PCDHA6: variants seen among roughly 807,000 people sequenced by gnomAD.
PCDHA6 encodes the protein protocadherin alpha-6.
Under a neutral mutation model 60.3 loss-of-function variants are expected in PCDHA6, and 55 were observed. That is an observed-to-expected ratio of 0.91 (90% CI 0.73 to 1.14). PCDHA6 has a LOEUF of 1.14. Among genes scored for constraint, PCDHA6 ranks in the 50% most tolerant of loss-of-function variants. PCDHA6 has a pLI of 0.00. For missense variants in PCDHA6, 1,327 were observed against 1,256.5 expected (o/e 1.06, Z -0.85); for synonymous variants, 652 against 557.9 (o/e 1.17, Z -2.38).
chr5:140,987,999 C>T (rs543796200), intron 3 of PCDHA6, among the ~76,000 whole-genome samples: 3 of 152,292 alleles, frequency 2.0e-5, no homozygotes, highest in African/African-American at 7.2e-5. Context: ...TCTGATCCTT[C>T]CCCAGAAAGA....
chr5:140,829,749 T>C lies in PCDHA6; in HGVS notation c.1658T>C (p.Val553Ala). The C allele has an allele frequency of 6.2e-7, 1 of 1,613,676 alleles. No homozygotes were observed. Among genetic ancestry groups the C allele is most frequent in the Non-Finnish European group, 8.5e-7 (1 of 1,179,872 alleles). ...CTGGGCAGCAACGTGACGCTGCAGG[T>C]GTTCGTGCTGGACGAGAACGACAAC... ...PPLGSNVTLQ[V>A]FVLDENDNAP... Residue 553 changes from valine (V) to alanine (A), a missense_variant, in exon 1 of 4, where the codon GTG becomes GCG. Physicochemically the swap from Val to Ala is moderately conservative, Grantham distance 64. Coordinates refer to ENST00000529310, the MANE Select transcript of PCDHA6 (RefSeq NM_018909.4).
At chr5:140,919,406 T>C (rs1325443914) in intron 1 of PCDHA6, among the ~76,000 whole-genome samples, 1 of 152,254 alleles carries the variant, frequency 6.6e-6, no homozygotes, top group East Asian at 1.9e-4. Flanking sequence ...CTAAAAACTC[T>C]AGACTGACAA....
chr5:140,954,842 T>C (rs1483926115), intron 1 of PCDHA6, among the ~76,000 whole-genome samples: 1 of 152,252 alleles, frequency 6.6e-6, no homozygotes, highest in Non-Finnish European at 1.5e-5. Flanking sequence ...ATGAAATCTT[T>C]GCCTGTGCCT....
At chr5:140,918,046 G>A (rs1159911161) in intron 1 of PCDHA6, among the ~76,000 whole-genome samples, 2 of 152,006 alleles carry the variant, frequency 1.3e-5, no homozygotes, top group African/African-American at 4.8e-5. Flanking sequence ...CTTTCCATTT[G>A]TTTTATCATC....
At position 140,856,102 on chromosome 5, in the gene PCDHA6, TCTC is replaced by T. The variant is rs782690525; in HGVS notation, c.2394+25621_2394+25623del. On this transcript the variant is annotated intron_variant, in intron 1 of 3. Coordinates refer to ENST00000529310, the MANE Select transcript of PCDHA6 (RefSeq NM_018909.4). Reference sequence around the variant, plus strand: ...TCCAGTGTCTGCTGCTCTCGCTTCTTCTCCTCGCAGCCTGGGAGGTGGGGAGCG... The same window carrying T: ...TCCAGTGTCTGCTGCTCTCGCTTCTTCTCGCAGCCTGGGAGGTGGGGAGCG... 5.6e-6 allele frequency: 9 copies of T among 1,597,726 alleles called. 1 individual carries two copies. The South Asian group carries it at 7.7e-5, about 14-fold the overall frequency.
chr5:140,851,156 T>C (rs1174677153), intron 1 of PCDHA6: 2 of 1,302,318 alleles, frequency 1.5e-6, no homozygotes, highest in South Asian at 2.6e-5. Context: ...GAATTTCTGA[T>C]GCTATGCTGC....
At chr5:140,868,806 G>C (rs374832846) in intron 1 of PCDHA6, 8 of 356,954 alleles carry the variant, frequency 2.2e-5, no homozygotes, top group Non-Finnish European at 4.0e-5. Flanking sequence ...AAATAAGCAC[G>C]TTGGAAATAT....
rs946669637 is a variant in PCDHA6, at chr5:140,923,020, G to C, written c.2395-55929G>C. On this transcript the variant is annotated intron_variant, in intron 1 of 3. Coordinates refer to ENST00000529310, the MANE Select transcript of PCDHA6 (RefSeq NM_018909.4). ...AGAATGGTTGTTGGACTGCAGTTTCGGACTCTATTACTACATGTATAGTAT... is the reference window on the plus strand; with the variant it reads ...AGAATGGTTGTTGGACTGCAGTTTCCGACTCTATTACTACATGTATAGTAT... Among the ~76,000 whole-genome samples the C allele has an allele frequency of 2.0e-5, 3 of 152,230 alleles. No homozygotes were observed. The East Asian group carries it at 5.8e-4, about 29-fold the overall frequency.
Position 140,849,797 on chromosome 5 carries a change from A to G in PCDHA6, c.2394+19312A>G, listed in dbSNP as rs2150450643. On this transcript the variant is annotated intron_variant, in intron 1 of 3. Coordinates refer to ENST00000529310, the MANE Select transcript of PCDHA6 (RefSeq NM_018909.4). ...CCGCGCGGGACGGGGGCTCGCCTTC[A>G]CTGTGGGCCACGGCCAGGGTGTCTG... 700 of 1,597,928 alleles carry G rather than the reference A, an allele frequency of 4.4e-4. 59 individuals carry two copies. Among genetic ancestry groups the G allele is most frequent in the Non-Finnish European group, 5.7e-4 (663 of 1,167,700 alleles).
At position 140,857,729 on chromosome 5, in the gene PCDHA6, G is replaced by A. The variant is rs782508750; in HGVS notation, c.2394+27244G>A. 1.8e-5 allele frequency: 29 copies of A among 1,597,292 alleles called. 3 individuals are homozygous for A. The highest frequency in any genetic ancestry group is 1.3e-5 in the African/African-American group (1 of 74,288). ...GTTCGTGCTGGACGAGAACGACAACGCTCCCGCGCTGCTGGCGTCTCCCGC... is the reference window on the plus strand; with the variant it reads ...GTTCGTGCTGGACGAGAACGACAACACTCCCGCGCTGCTGGCGTCTCCCGC... On this transcript the variant is annotated intron_variant, in intron 1 of 3. Transcript: ENST00000529310.
chr5:140,938,973 G>A (rs112209995), intron 1 of PCDHA6, among the ~76,000 whole-genome samples: 3 of 152,224 alleles, frequency 2.0e-5, no homozygotes, highest in East Asian at 1.9e-4. Context: ...TTGGCATCAA[G>A]GCTATCCTGG....
At chr5:140,922,427 G>A (rs1407931624) in intron 1 of PCDHA6, among the ~76,000 whole-genome samples, 2 of 152,212 alleles carry the variant, frequency 1.3e-5, no homozygotes, top group Middle Eastern at 3.4e-3. Context: ...AGAGGCTGAG[G>A]GCAGAACTCT....
chr5:140,959,772 C>T (rs1554224331), intron 1 of PCDHA6, among the ~76,000 whole-genome samples: 1 of 152,120 alleles, frequency 6.6e-6, no homozygotes, highest in East Asian at 1.9e-4. Flanking sequence ...TCAGTAAGAA[C>T]AGTGTATATT....
At chr5:140,963,531 TTTAC>T (rs1391697303) in intron 1 of PCDHA6, among the ~76,000 whole-genome samples, 2 of 152,218 alleles carry the variant, frequency 1.3e-5, no homozygotes, top group African/African-American at 4.8e-5. Flanking sequence ...AGAAGTCCCA[TTTAC>T]TTCATGATAT....
intron 1 of PCDHA6, among the ~76,000 whole-genome samples, chr5:140,911,380 T>C (rs1365945638): frequency 4.6e-5 from 7 of 152,212 alleles, no homozygotes; most frequent in African/African-American, 1.7e-4. Flanking sequence ...AGGCTGTGCA[T>C]GCACCTTTCA....
chr5:140,862,965 C>T (rs1358517266), intron 1 of PCDHA6: 5 of 543,666 alleles, frequency 9.2e-6, no homozygotes, highest in African/African-American at 7.7e-5. Flanking sequence ...TCAGTGGATG[C>T]AGGCCACTTG....
chr5:140,850,917 T>C, intron 1 of PCDHA6: 1 of 1,530,140 alleles, frequency 6.5e-7, no homozygotes. Flanking sequence ...TTTATTTATT[T>C]ATATAATTTT....
rs2150360711 is a variant in PCDHA6, at chr5:140,843,464, C to A, written c.2394+12979C>A. ...GGTATCCAGCCTGCTGGTGCTCACG[C>A]TGCTGCTGTACACTGCGCTGCGGTG... On this transcript the variant is annotated intron_variant, in intron 1 of 3. Transcript: ENST00000529310. The A allele has an allele frequency of 1.4e-5, 22 of 1,595,942 alleles. 2 individuals are homozygous for A. In the African/African-American group the frequency reaches 3.0e-4, roughly 21 times the overall value.
intron 1 of PCDHA6, among the ~76,000 whole-genome samples, chr5:140,837,701 TC>T (rs1775215037): frequency 6.6e-6 from 1 of 151,452 alleles, no homozygotes; most frequent in South Asian, 2.1e-4. Context: ...CAAGACACGC[TC>T]TCACTCCATC....
Sources: allele counts gnomAD v4.1 joint callset (sites outside exome capture counted in the v4.1 genomes callset), GRCh38; gene constraint gnomAD v4.1.1; transcripts MANE v1.5; gene names NCBI Gene and HGNC (gene_info 2026-07-23, HGNC 2026-07-21).